MYO1A: variants seen among roughly 807,000 people sequenced by gnomAD.
The protein encoded by MYO1A is unconventional myosin-Ia.
In MYO1A, 127 loss-of-function variants were observed where a neutral mutation model predicts 138.5. The observed-to-expected ratio is 0.92, with a 90% confidence interval of 0.79 to 1.06. The LOEUF is 1.06. Among genes scored for constraint, MYO1A ranks in the 50% least tolerant of loss-of-function variants. The pLI is 0.00. For missense variants in MYO1A, 1,211 were observed against 1,288.8 expected (o/e 0.94, Z 0.92); for synonymous variants, 477 against 497.5 (o/e 0.96, Z 0.55).
rs1008260210 is a variant in MYO1A at position 57,036,249 on chromosome 12, C to A, written c.2349+58G>T. On this transcript the variant is annotated intron_variant, in intron 22 of 27. Coordinates refer to ENST00000300119, the MANE Select transcript of MYO1A (RefSeq NM_005379.4). ...GGGTTGCCTCTTCTCAAACCCCTCT[C>A]CCAAACCTGTGCCTCCCTGCTCCAT... 5.1e-5 allele frequency: 79 copies of A among 1,562,156 alleles called. No individual in the cohort carries two copies. In the South Asian group the frequency reaches 8.8e-4, roughly 17 times the overall value.
At position 57,041,371 on chromosome 12, in the gene MYO1A, C is replaced by T. The variant is rs3816999; in HGVS notation, c.1164+61G>A. 1,499 of 1,584,362 alleles carry T rather than the reference C, an allele frequency of 9.5e-4. 34 individuals are homozygous for T. The East Asian group carries it at 0.028, about 30-fold the overall frequency. ...CCTACCTCCCCTCCCTCACATCCCCCCTGTGAGCCTGTCCACCTCTAATCC... is the reference window on the plus strand; with the variant it reads ...CCTACCTCCCCTCCCTCACATCCCCTCTGTGAGCCTGTCCACCTCTAATCC... On this transcript the variant is annotated intron_variant, in intron 13 of 27. Transcript: ENST00000300119.
At chr12:57,029,285 A>T in intron 26 of MYO1A, 26 bp from the exon 27 acceptor site, 1 of 1,613,716 alleles carries the variant, frequency 6.2e-7, no homozygotes. Context: ...AAATAGCAGG[A>T]AAGGGATTCA....
intron 25 of MYO1A, 43 bp downstream of exon 25, chr12:57,029,697 C>A: frequency 6.2e-7 from 1 of 1,614,152 alleles, no homozygotes; most frequent in South Asian, 1.1e-5. Context: ...CAGCCCACAG[C>A]TCTGCACTAG....
intron 22 of MYO1A, among the ~76,000 whole-genome samples, chr12:57,034,654 G>T (rs535373397): frequency 2.7e-5 from 4 of 150,532 alleles, no homozygotes; most frequent in African/African-American, 4.9e-5. Context: ...CAGCCTGGGC[G>T]AGAGAGCAAG....
chr12:57,043,855 C>T lies in MYO1A; in HGVS notation c.892+1G>A. The T allele has an allele frequency of 1.2e-6, 2 of 1,614,028 alleles. No homozygotes were observed. The highest frequency in any genetic ancestry group is 1.7e-6 in the Non-Finnish European group (2 of 1,179,990). Reference sequence around the variant, plus strand: ...GAGCTCCAGCAGGCTGGGATGCAGACCTCTCCCATCACGGATGCCACTTGC... The same window carrying T: ...GAGCTCCAGCAGGCTGGGATGCAGATCTCTCCCATCACGGATGCCACTTGC... On this transcript the variant is annotated splice_donor_variant, in intron 10 of 27. Transcript: ENST00000300119. LOFTEE classifies it high-confidence loss of function.
chr12:57,030,368 T>TGGGGG, intron 23 of MYO1A, 52 bp from the exon 24 acceptor site: 4 of 1,078,842 alleles, frequency 3.7e-6, no homozygotes, highest in Non-Finnish European at 4.2e-6. Flanking sequence ...AGGGCAGGGC[T>TGGGGG]GGGGAGGGAG....
rs2030096603 is a variant in MYO1A at position 57,028,701 on chromosome 12, G to T, written c.*54C>A. 6.2e-7 allele frequency: 1 copy of T among 1,608,916 alleles called. No homozygotes were observed. Among genetic ancestry groups the T allele is most frequent in the Non-Finnish European group, 8.5e-7 (1 of 1,177,110 alleles). ...CCTCCCACACAGGAGGGCAGAGGGG[G>T]ATTAGTGCTGGTTCAGGAGGAAGCA... On this transcript the variant is annotated 3_prime_UTR_variant, in exon 28 of 28. Coordinates refer to ENST00000300119, the MANE Select transcript of MYO1A (RefSeq NM_005379.4).
intron 14 of MYO1A, among the ~76,000 whole-genome samples, chr12:57,040,865 T>C (rs1410694960): frequency 1.3e-5 from 2 of 152,198 alleles, no homozygotes; most frequent in Non-Finnish European, 2.9e-5. Flanking sequence ...TAGAAAGAGA[T>C]GTGGTTGGGC....
rs531430288 is a variant in MYO1A, at chr12:57,037,532, G to A, written c.2055+16C>T. The A allele has an allele frequency of 1.3e-5, 21 of 1,610,552 alleles. No individual in the cohort carries two copies. Among genetic ancestry groups the A allele is most frequent in the Non-Finnish European group, 1.8e-5 (21 of 1,176,824 alleles). On this transcript the variant is annotated intron_variant, in intron 19 of 27. Coordinates refer to ENST00000300119, the MANE Select transcript of MYO1A (RefSeq NM_005379.4). ...CCTTCTACCCTCACCAAATGCTAAT[G>A]CACTCTCTAACTCACAGTCTTGGGG...
At chr12:57,044,604 G>A (rs1392196168) in intron 8 of MYO1A, among the ~76,000 whole-genome samples, 1 of 152,138 alleles carries the variant, frequency 6.6e-6, no homozygotes, top group Non-Finnish European at 1.5e-5. Context: ...GGCCAGGCTG[G>A]TCTTGACTCC....
rs2030946003 is a variant in MYO1A, at chr12:57,043,303, A to G, written c.948T>C (p.Ala316=). 6.2e-7 allele frequency: 1 copy of G among 1,614,144 alleles called. No homozygotes were observed. The highest frequency in any genetic ancestry group is 1.7e-5 in the Admixed American group (1 of 60,018). Residue 316 remains alanine, a synonymous_variant, in exon 11 of 28, where the codon GCT becomes GCC. Transcript: ENST00000300119. The stretch of plus-strand genomic sequence containing the variant: ...CTGTTTCCATGGTCCTCGAGCACAA[A>G]GCTCTCTCTACTTCTTCTGAATTCA... ...VGLNSEEVER[A]LCSRTMETAK...
rs1409041190 is a variant in MYO1A, at chr12:57,028,994, C to T, written c.3006-113G>A. The T allele has an allele frequency of 1.9e-6, 3 of 1,593,806 alleles. No homozygotes were observed. In the East Asian group the frequency reaches 6.7e-5, roughly 36 times the overall value. On this transcript the variant is annotated intron_variant, in intron 27 of 27. Coordinates refer to ENST00000300119, the MANE Select transcript of MYO1A (RefSeq NM_005379.4). ...CAGAGGACTTGAGGCCCCAGAGAACCTGGGTGGGGGCCTGAGAAACACCTC... is the reference window on the plus strand; with the variant it reads ...CAGAGGACTTGAGGCCCCAGAGAACTTGGGTGGGGGCCTGAGAAACACCTC...
At chr12:57,034,493 T>C (rs1156281668) in intron 22 of MYO1A, among the ~76,000 whole-genome samples, 1 of 151,460 alleles carries the variant, frequency 6.6e-6, no homozygotes, top group Non-Finnish European at 1.5e-5. Context: ...GGCAACATGG[T>C]GAAACCACAT....
chr12:57,036,328 T>C lies in MYO1A; in HGVS notation c.2328A>G (p.Ala776=). ...YFRSEAALTL[A]DFIYKSMVQK... is the part of the protein sequence containing the mutation. ...TTACCATGCTCTTGTAGATGAAATC[T>C]GCCAAGGTGAGGGCAGCCTCTGACC... The change falls in exon 22 of 28, where the codon GCA becomes GCG. Residue 776 remains alanine (A), a synonymous_variant. Transcript: ENST00000300119. The C allele has an allele frequency of 6.2e-7, 1 of 1,613,850 alleles. No individual in the cohort carries two copies. Among genetic ancestry groups the C allele is most frequent in the Non-Finnish European group, 8.5e-7 (1 of 1,179,774 alleles).
At chr12:57,031,426 C>T (rs1371025351) in intron 22 of MYO1A, among the ~76,000 whole-genome samples, 3 of 152,128 alleles carry the variant, frequency 2.0e-5, no homozygotes, top group African/African-American at 7.2e-5. Context: ...CAAAGACCTG[C>T]TACCCAGGGC....
chr12:57,030,141 T>C, intron 24 of MYO1A, 69 bp downstream of exon 24: 1 of 1,408,350 alleles, frequency 7.1e-7, no homozygotes, highest in Non-Finnish European at 1.0e-6. Context: ...CAGGTGATTC[T>C]AAGGCACGCT....
intron 22 of MYO1A, 54 bp from the exon 23 acceptor site, chr12:57,031,228 A>C: frequency 6.2e-7 from 1 of 1,608,732 alleles, no homozygotes; most frequent in Admixed American, 1.7e-5. Context: ...ACTTCCTGAC[A>C]GGCAAACTGG....
In MYO1A at chr12:57,048,537, G is replaced by T. The variant is rs574693018; in HGVS notation, c.-20-194C>A. On this transcript the variant is annotated intron_variant, in intron 1 of 27. Coordinates refer to ENST00000300119, the MANE Select transcript of MYO1A (RefSeq NM_005379.4). Reference sequence around the variant, plus strand: ...GAGGCTGAAACTCTCAGCAGGAGGTGGGGGAGATCCTCTGCTGCCTGGGTT... The same window carrying T: ...GAGGCTGAAACTCTCAGCAGGAGGTTGGGGAGATCCTCTGCTGCCTGGGTT... Among the ~76,000 whole-genome samples the T allele has an allele frequency of 2.6e-5, 4 of 152,302 alleles. No individual in the cohort carries two copies. The South Asian group carries it at 6.2e-4, about 24-fold the overall frequency.
Position 57,044,309 on chromosome 12 carries a change from T to C in MYO1A, c.641-100A>G. The C allele has an allele frequency of 3.3e-6, 3 of 922,666 alleles. 1 individual carries two copies. In the South Asian group the frequency reaches 4.2e-5, roughly 13 times the overall value. The allele number at this position is 922,666 out of a possible 1,614,324, so 57.2% of individuals were successfully genotyped here. A position where few individuals can be genotyped will look rare whatever the true frequency, so the allele number is the denominator to read the frequency against. On this transcript the variant is annotated intron_variant, in intron 8 of 27. Coordinates refer to ENST00000300119, the MANE Select transcript of MYO1A (RefSeq NM_005379.4). ...CCCTTGCCCTAATGGATTCATTCACTTATCCAAAGGAGTCATTTTTGTTTT... is the reference window on the plus strand; with the variant it reads ...CCCTTGCCCTAATGGATTCATTCACCTATCCAAAGGAGTCATTTTTGTTTT...
Sources: gnomAD v4.1 joint callset for allele counts (sites outside exome capture counted in the v4.1 genomes callset) on GRCh38, gnomAD v4.1.1 for gene constraint, MANE v1.5 for transcripts, NCBI Gene and HGNC (gene_info 2026-07-23, HGNC 2026-07-21) for gene names.